The following CACNA1D variants were observed in gnomAD, a reference collection of about 807,000 sequenced individuals.
The protein encoded by CACNA1D is calcium voltage-gated channel subunit alpha1 D, also known as voltage-dependent L-type calcium channel subunit alpha-1D.
A neutral mutation model predicts 257.1 loss-of-function variants in CACNA1D; 55 were observed. The observed-to-expected ratio is 0.21, with a 90% CI of 0.17 to 0.27. The LOEUF (loss-of-function observed/expected upper bound fraction) is 0.27. Ranked by LOEUF, CACNA1D falls within the 10% of genes least tolerant of loss-of-function variation. The pLI is 1.00. For synonymous variants in CACNA1D, 980 were observed against 1,014.9 expected, an observed-to-expected ratio of 0.97 and a Z score of 0.65; for missense variants, 1,876 against 2,784.0, an observed-to-expected ratio of 0.67 and a Z score of 7.34.
intron 3 of CACNA1D, among the ~76,000 whole-genome samples, chr3:53,617,307 AG>A (rs1267679248): frequency 6.6e-6 from 1 of 151,912 alleles, no homozygotes; most frequent in Non-Finnish European, 1.5e-5. Flanking sequence ...GGGTGGAGGT[AG>A]TGAGGGGAGG....
At chr3:53,622,564 T>C (rs1395524376) in intron 3 of CACNA1D, among the ~76,000 whole-genome samples, 2 of 152,094 alleles carry the variant, frequency 1.3e-5, no homozygotes, top group Non-Finnish European at 2.9e-5. Flanking sequence ...AAGTGGGAGC[T>C]AAATGATGAG....
chr3:53,665,877 C>G, intron 6 of CACNA1D, 65 bp downstream of exon 6: 1 of 1,324,174 alleles, frequency 7.6e-7, no homozygotes. Context: ...AAGCAACTTT[C>G]ATGGTTTGGG....
At chr3:53,791,543 G>T (rs1442536197) in intron 40 of CACNA1D, 1 of 154,718 alleles carries the variant, frequency 6.5e-6, no homozygotes, top group African/African-American at 2.4e-5. Context: ...AGCTGACAGA[G>T]TTCCTTTTGT....
intron 3 of CACNA1D, among the ~76,000 whole-genome samples, chr3:53,548,989 G>A (rs530593875): frequency 5.1e-4 from 78 of 152,252 alleles, no homozygotes; most frequent in Non-Finnish European, 9.7e-4. Context: ...ATTGATGTTG[G>A]GGGTGTTGAG....
In CACNA1D at chr3:53,732,823, G is replaced by A. The variant is rs1200466145; in HGVS notation, c.2482G>A (p.Glu828Lys). 4 of 1,611,416 alleles carry A rather than the reference G, an allele frequency of 2.5e-6. No individual in the cohort carries two copies. The highest frequency in any genetic ancestry group is 3.4e-6 in the Non-Finnish European group (4 of 1,177,648). The change falls in exon 19 of 48, where the codon GAG becomes AAG. Residue 828 changes from glutamate to lysine, a missense_variant. Physicochemically the swap from Glu to Lys is moderately conservative, Grantham distance 56. Transcript: ENST00000350061. The part of the protein sequence containing the change: ...YPPCDVPVGE[E>K]EEEEEEDEPE... The stretch of plus-strand genomic sequence containing the variant: ...AAGTATTTCATTTAAAGTAGGGGAA[G>A]AGGAAGAGGAAGAGGAGGAGGATGA...
At chr3:53,770,084 T>C in intron 31 of CACNA1D, 67 bp downstream of exon 31, 1 of 1,285,828 alleles carries the variant, frequency 7.8e-7, no homozygotes, top group Non-Finnish European at 1.1e-6. Context: ...ATGTCGAGTT[T>C]TCCACTGGTT....
At chr3:53,748,775 G>A (rs1402035114) in intron 26 of CACNA1D, among the ~76,000 whole-genome samples, 1 of 152,164 alleles carries the variant, frequency 6.6e-6, no homozygotes, top group Non-Finnish European at 1.5e-5. Context: ...ATCTGCATCA[G>A]AATGGGGATC....
At position 53,651,471 on chromosome 3, in the gene CACNA1D, G is replaced by A. The variant is rs114646143; in HGVS notation, c.623+553G>A. ...GTGTCTGGATAATGTCACGTATCTGGCATAAAATGAAATAAGCTAGAAAAT... is the reference window on the plus strand; with the variant it reads ...GTGTCTGGATAATGTCACGTATCTGACATAAAATGAAATAAGCTAGAAAAT... On this transcript the variant is annotated intron_variant, in intron 4 of 47. Coordinates refer to ENST00000350061, the MANE Select transcript of CACNA1D (RefSeq NM_001128840.3). Among the ~76,000 whole-genome samples the A allele has an allele frequency of 5.5e-3, 792 of 145,038 alleles. 3 individuals are homozygous for A. The highest frequency in any genetic ancestry group is 9.8e-3 in the Non-Finnish European group (661 of 67,182).
At position 53,801,323 on chromosome 3, in the gene CACNA1D, G is replaced by A. The variant is rs1205682038; in HGVS notation, c.5306G>A (p.Gly1769Glu). The part of the protein sequence containing the change: ...NNANMSKAAH[G>E]KRPSIGNLEH... The stretch of plus-strand genomic sequence containing the variant: ...GCCAATATGTCCAAAGCTGCCCATG[G>A]AAAGCGGCCCAGCATTGGGAACCTT... The change falls in exon 42 of 48, where the codon GGA becomes GAA. Residue 1769 changes from glycine to glutamate, a missense_variant. By Grantham distance (98) the Gly-to-Glu change is moderately conservative (BLOSUM62 -2). Coordinates refer to ENST00000350061, the MANE Select transcript of CACNA1D (RefSeq NM_001128840.3). 1.2e-6 allele frequency: 2 copies of A among 1,614,054 alleles called. No individual in the cohort carries two copies. The highest frequency in any genetic ancestry group is 1.3e-5 in the African/African-American group (1 of 74,924).
At chr3:53,676,937 T>G (rs761079516) in intron 8 of CACNA1D, among the ~76,000 whole-genome samples, 1 of 152,232 alleles carries the variant, frequency 6.6e-6, no homozygotes, top group African/African-American at 2.4e-5. Context: ...ATGTTGCAAT[T>G]TAACCTTAAG....
At chr3:53,718,449 A>G in intron 10 of CACNA1D, 61 bp downstream of exon 10, 1 of 1,477,166 alleles carries the variant, frequency 6.8e-7, no homozygotes, top group Admixed American at 1.7e-5. Flanking sequence ...GCAGGTGGTG[A>G]GGAAGACCGC....
intron 8 of CACNA1D, among the ~76,000 whole-genome samples, chr3:53,694,518 T>A (rs549566261): frequency 1.3e-5 from 2 of 152,162 alleles, no homozygotes; most frequent in African/African-American, 4.8e-5. Flanking sequence ...TTAGTAACGC[T>A]GTTGTTCTGT....
chr3:53,556,035 T>A (rs990821400), intron 3 of CACNA1D, among the ~76,000 whole-genome samples: 1 of 152,202 alleles, frequency 6.6e-6, no homozygotes, highest in African/African-American at 2.4e-5. Context: ...TGCTATAGTT[T>A]TGTCATTTCC....
Position 53,530,613 on chromosome 3 carries a change from T to C in CACNA1D, c.483+28893T>C, listed in dbSNP as rs546529332. Among the ~76,000 whole-genome samples, 4 of 152,260 alleles carry C rather than the reference T, an allele frequency of 2.6e-5. No homozygotes were observed. The South Asian group carries it at 8.3e-4, about 32-fold the overall frequency. On this transcript the variant is annotated intron_variant, in intron 3 of 47. Transcript: ENST00000350061. Reference sequence around the variant, plus strand: ...CCTGGTGACATCTGCTTGACAGGCTTCCCCTCCCCACTGTTGTCACCACTT... The same window carrying C: ...CCTGGTGACATCTGCTTGACAGGCTCCCCCTCCCCACTGTTGTCACCACTT...
chr3:53,572,362 G>GTTTATTTA (rs1451533456), intron 3 of CACNA1D, among the ~76,000 whole-genome samples: 107 of 45,606 alleles, frequency 2.3e-3, no homozygotes, highest in South Asian at 7.4e-3. Context: ...CCTCTGGTTT[G>GTTTATTTA]TTTGTTTGTT....
Position 53,701,697 on chromosome 3 carries a change from G to A in CACNA1D, c.1221-944G>A, listed in dbSNP as rs532962062. Among the ~76,000 whole-genome samples the A allele has an allele frequency of 3.9e-5, 6 of 152,286 alleles. No individual in the cohort carries two copies. The East Asian group carries it at 5.8e-4, about 15-fold the overall frequency. Reference sequence around the variant, plus strand: ...TATCTTGGCTCCTATAACAACTCACGGTTGGAGATGCAGATGGTTCCTCAT... The same window carrying A: ...TATCTTGGCTCCTATAACAACTCACAGTTGGAGATGCAGATGGTTCCTCAT... On this transcript the variant is annotated intron_variant, in intron 8 of 47. Transcript: ENST00000350061.
chr3:53,729,501 C>A (rs907064375), intron 15 of CACNA1D, among the ~76,000 whole-genome samples: 4 of 152,114 alleles, frequency 2.6e-5, no homozygotes, highest in South Asian at 2.1e-4. Flanking sequence ...CAGAAGGGGG[C>A]CTTCTCACTT....
At chr3:53,516,081 A>T (rs1483056114) in intron 3 of CACNA1D, among the ~76,000 whole-genome samples, 1 of 152,238 alleles carries the variant, frequency 6.6e-6, no homozygotes, top group Non-Finnish European at 1.5e-5. Flanking sequence ...TAAAACAGAG[A>T]TAATAATTCT....
At chr3:53,702,597 C>T (rs891766868) in intron 8 of CACNA1D, 44 bp from the exon 9 acceptor site, 2 of 1,602,942 alleles carry the variant, frequency 1.2e-6, no homozygotes, top group African/African-American at 2.7e-5. Flanking sequence ...ATGCAGGTCC[C>T]CAAGGATGTC....
Sources: gnomAD v4.1 joint callset for allele counts (sites outside exome capture counted in the v4.1 genomes callset) on GRCh38, gnomAD v4.1.1 for gene constraint, MANE v1.5 for transcripts, NCBI Gene and HGNC (gene_info 2026-07-23, HGNC 2026-07-21) for gene names.